COL24A1: variants seen among roughly 807,000 people sequenced by gnomAD.
COL24A1 encodes the protein collagen alpha-1(XXIV) chain.
In COL24A1, 224 loss-of-function variants were observed where a neutral mutation model predicts 253.9. The observed-to-expected ratio is 0.88, with a 90% CI of 0.79 to 0.99. COL24A1 has a LOEUF of 0.99. Among genes scored for constraint, COL24A1 ranks in the 50% least tolerant of loss-of-function variants. The pLI is 0.00. For synonymous variants in COL24A1, 685 were observed against 673.7 expected, an observed-to-expected ratio of 1.02 and a Z score of -0.26; for missense variants, 2,131 against 2,068.5, an observed-to-expected ratio of 1.03 and a Z score of -0.59.
intron 19 of COL24A1, among the ~76,000 whole-genome samples, chr1:86,012,836 T>A (rs1696636181): frequency 6.6e-6 from 1 of 152,218 alleles, no homozygotes; most frequent in Non-Finnish European, 1.5e-5. Context: ...AACTTCATTG[T>A]ATACCACTTT....
intron 43 of COL24A1, among the ~76,000 whole-genome samples, chr1:85,833,186 T>C (rs1675549237): frequency 6.6e-6 from 1 of 152,128 alleles, no homozygotes. Flanking sequence ...ACAGGCAACC[T>C]ACAAAATGGG....
At chr1:86,088,961 C>T (rs918324291) in intron 7 of COL24A1, among the ~76,000 whole-genome samples, 4 of 151,832 alleles carry the variant, frequency 2.6e-5, no homozygotes, top group African/African-American at 4.8e-5. Flanking sequence ...CACCAGTTTC[C>T]GGGATGATGA....
intron 24 of COL24A1, among the ~76,000 whole-genome samples, chr1:85,918,212 G>A (rs1044321489): frequency 1.3e-5 from 2 of 151,532 alleles, no homozygotes; most frequent in African/African-American, 2.4e-5. Flanking sequence ...TAAATAATGG[G>A]CATTCTTTTC....
intron 12 of COL24A1, among the ~76,000 whole-genome samples, chr1:86,036,227 T>TA (rs1415729805): frequency 1.3e-5 from 2 of 151,990 alleles, no homozygotes; most frequent in African/African-American, 2.4e-5. Context: ...CTTCAAGTGA[T>TA]ACCTCCTGCC....
At position 86,015,188 on chromosome 1, in the gene COL24A1, AAAGTT is replaced by A. The variant is rs200368533; in HGVS notation, c.2310+1958_2310+1962del. On this transcript the variant is annotated intron_variant, in intron 19 of 59. Coordinates refer to ENST00000370571, the MANE Select transcript of COL24A1 (RefSeq NM_152890.7). ...TGTACTATATTTTTATGATCAAGAAAAAGTTATGCTCCTTGAATTAGGCCCCATTT... is the reference window on the plus strand; with the variant it reads ...TGTACTATATTTTTATGATCAAGAAAATGCTCCTTGAATTAGGCCCCATTT... Among the ~76,000 whole-genome samples the A allele has an allele frequency of 1.0e-3, 153 of 152,316 alleles. 1 individual carries two copies. The highest frequency in any genetic ancestry group is 8.7e-3 in the East Asian group (45 of 5,180).
chr1:85,965,562 T>TGA (rs377121904), intron 22 of COL24A1, among the ~76,000 whole-genome samples: 4,402 of 149,064 alleles, frequency 0.03, 88 homozygotes, highest in Middle Eastern at 0.045. Context: ...TTGATGACAA[T>TGA]GAGAGAGAGA....
intron 10 of COL24A1, among the ~76,000 whole-genome samples, chr1:86,055,253 A>G (rs951962576): frequency 2.2e-4 from 34 of 152,192 alleles, no homozygotes; most frequent in African/African-American, 8.0e-4. Flanking sequence ...TACACAATAT[A>G]CCCATGTAAC....
rs1461909510 is a variant in COL24A1, at chr1:85,970,234, C to G, written c.2456G>C (p.Gly819Ala). 4 of 1,592,788 alleles carry G rather than the reference C, an allele frequency of 2.5e-6. No homozygotes were observed. The highest frequency in any genetic ancestry group is 3.4e-6 in the Non-Finnish European group (4 of 1,170,746). ...TATTTATATGATACCTACTCTTGGC[C>G]CCAGTTCCCCAAAGGCTCCAATTGG... ...EGPIGAFGELGPRGKPGQKGY... is the reference protein window; with the variant it reads ...EGPIGAFGELAPRGKPGQKGY... The change falls in exon 22 of 60, where the codon GGG (glycine) becomes GCG (alanine). Residue 819 changes from glycine to alanine, a missense_variant. Coordinates refer to ENST00000370571, the MANE Select transcript of COL24A1 (RefSeq NM_152890.7).
At chr1:85,862,197 G>A (rs578191293) in intron 37 of COL24A1, among the ~76,000 whole-genome samples, 11 of 152,140 alleles carry the variant, frequency 7.2e-5, no homozygotes, top group African/African-American at 2.4e-4. Context: ...TTCTTCATTA[G>A]ATTATAACAT....
chr1:85,946,604 G>A (rs546201484), intron 24 of COL24A1, among the ~76,000 whole-genome samples: 4 of 152,148 alleles, frequency 2.6e-5, no homozygotes, highest in Admixed American at 2.6e-4. Flanking sequence ...CTATGTGTCA[G>A]CTTCATCCAA....
chr1:85,927,543 A>C (rs1365639770), intron 24 of COL24A1, among the ~76,000 whole-genome samples: 30 of 127,380 alleles, frequency 2.4e-4, no homozygotes, highest in Non-Finnish European at 4.0e-4. Flanking sequence ...TTAGGTAAAC[A>C]AAGCAGCCAG....
At chr1:85,990,843 G>A (rs1694187044) in intron 19 of COL24A1, among the ~76,000 whole-genome samples, 1 of 152,126 alleles carries the variant, frequency 6.6e-6, no homozygotes, top group South Asian at 2.1e-4. Flanking sequence ...AAGGATGAAA[G>A]GAGGCTCACT....
chr1:85,776,804 G>T (rs189003852), intron 52 of COL24A1, among the ~76,000 whole-genome samples: 1 of 151,954 alleles, frequency 6.6e-6, no homozygotes, highest in East Asian at 1.9e-4. Flanking sequence ...CATTTCTTCT[G>T]ATCTATGTCA....
intron 23 of COL24A1, 77 bp from the exon 24 acceptor site, chr1:85,961,370 T>C: frequency 8.3e-7 from 1 of 1,201,612 alleles, no homozygotes; most frequent in South Asian, 1.3e-5. Flanking sequence ...CAATTTTCCT[T>C]TTTAATGTAA....
intron 19 of COL24A1, among the ~76,000 whole-genome samples, chr1:85,997,948 GCCAACAGAGAAA>G: frequency 6.6e-6 from 1 of 152,100 alleles, no homozygotes; most frequent in Non-Finnish European, 1.5e-5. Context: ...TGTGAATGTA[GCCAACAGAGAAA>G]TGCCAGGATA....
chr1:85,863,804 T>C (rs562822425), intron 37 of COL24A1, among the ~76,000 whole-genome samples: 2 of 152,260 alleles, frequency 1.3e-5, no homozygotes, highest in Admixed American at 1.3e-4. Context: ...ACAATGCTCA[T>C]CATCACTGGC....
intron 10 of COL24A1, among the ~76,000 whole-genome samples, chr1:86,050,747 A>G (rs1359615348): frequency 6.6e-6 from 1 of 152,136 alleles, no homozygotes; most frequent in East Asian, 1.9e-4. Flanking sequence ...AGATGGTTTT[A>G]TATGTTAGCT....
intron 24 of COL24A1, among the ~76,000 whole-genome samples, chr1:85,954,678 A>C (rs1434507992): frequency 6.6e-6 from 1 of 152,154 alleles, no homozygotes; most frequent in Non-Finnish European, 1.5e-5. Flanking sequence ...GAAATGTATC[A>C]TGGATATACA....
At chr1:86,056,725 G>A (rs1418833835) in intron 10 of COL24A1, among the ~76,000 whole-genome samples, 7 of 151,640 alleles carry the variant, frequency 4.6e-5, no homozygotes, top group African/African-American at 7.3e-5. Flanking sequence ...GTGGTGGCAC[G>A]TGCCTGTAGT....
Sources: gnomAD v4.1 joint callset for allele counts (sites outside exome capture counted in the v4.1 genomes callset) on GRCh38, gnomAD v4.1.1 for gene constraint, MANE v1.5 for transcripts, NCBI Gene and HGNC (gene_info 2026-07-23, HGNC 2026-07-21) for gene names.